Variants in MAML2 observed in about 807,000 individuals in gnomAD.
The protein encoded by MAML2 is mastermind like transcriptional coactivator 2, also known as mastermind-like protein 2.
In MAML2, 22 loss-of-function variants were observed where a neutral mutation model predicts 96.1. The observed-to-expected ratio is 0.23, with a 90% CI of 0.16 to 0.33. MAML2 has a LOEUF of 0.33. MAML2 is among the 10% of genes least tolerant of loss of function. The pLI is 1.00. For missense variants in MAML2, 1,367 were observed against 1,392.4 expected (o/e 0.98, Z 0.29); for synonymous variants, 561 against 521.3 (o/e 1.08, Z -1.04).
chr11:96,027,524 A>T (rs903521852), intron 2 of MAML2, among the ~76,000 whole-genome samples: 17 of 152,104 alleles, frequency 1.1e-4, no homozygotes, highest in African/African-American at 4.1e-4. Context: ...AATAAACACA[A>T]TGTGAAAAGT....
chr11:96,206,325 C>T (rs1007236110), intron 1 of MAML2, among the ~76,000 whole-genome samples: 5 of 152,172 alleles, frequency 3.3e-5, no homozygotes, highest in South Asian at 2.1e-4. Context: ...TAGGCGGGTG[C>T]GGTGGCTCAT....
intron 2 of MAML2, among the ~76,000 whole-genome samples, chr11:96,058,034 G>A (rs1003140924): frequency 1.3e-5 from 2 of 152,242 alleles, no homozygotes; most frequent in Non-Finnish European, 2.9e-5. Context: ...CTAAAAGTTA[G>A]GTCTTAAATC....
chr11:96,188,287 C>G (rs1861601853), intron 1 of MAML2, among the ~76,000 whole-genome samples: 3 of 152,216 alleles, frequency 2.0e-5, no homozygotes, highest in South Asian at 2.1e-4. Context: ...GTTCCTATAA[C>G]CTTTCTAATT....
chr11:96,278,245 G>A (rs183630089), intron 1 of MAML2, among the ~76,000 whole-genome samples: 9 of 152,194 alleles, frequency 5.9e-5, no homozygotes, highest in East Asian at 5.8e-4. Flanking sequence ...AAAAAGGAAC[G>A]CCACTTTATA....
At chr11:96,297,044 C>A (rs1271743642) in intron 1 of MAML2, among the ~76,000 whole-genome samples, 2 of 152,064 alleles carry the variant, frequency 1.3e-5, no homozygotes, top group Non-Finnish European at 2.9e-5. Context: ...CACCTGTGCA[C>A]ATCATAGGTA....
intron 2 of MAML2, among the ~76,000 whole-genome samples, chr11:96,074,200 A>C (rs1192216940): frequency 6.6e-6 from 1 of 152,210 alleles, no homozygotes; most frequent in African/African-American, 2.4e-5. Flanking sequence ...TTGTATTTTT[A>C]GGGAAACTGA....
At chr11:96,339,598 G>A (rs746716902) in intron 1 of MAML2, among the ~76,000 whole-genome samples, 5 of 152,196 alleles carry the variant, frequency 3.3e-5, no homozygotes, top group Admixed American at 1.3e-4. Context: ...GGGTTGGGCC[G>A]GGTGCCTCAC....
rs1330484749 is a variant in MAML2, at chr11:96,052,749, T to G, written c.2139+39143A>C. Among the ~76,000 whole-genome samples, 3 of 152,218 alleles carry G rather than the reference T, an allele frequency of 2.0e-5. 1 individual carries two copies. Among genetic ancestry groups the G allele is most frequent in the Non-Finnish European group, 4.4e-5 (3 of 68,038 alleles). ...CTCCTAACAAAGAACAGAGAAATGC[T>G]CTCCACATTCTGCTTCCAGAGCTGC... is the stretch of plus-strand genomic sequence containing the variant. On this transcript the variant is annotated intron_variant, in intron 2 of 4. Coordinates refer to ENST00000524717, the MANE Select transcript of MAML2 (RefSeq NM_032427.4).
chr11:96,166,801 T>G (rs1037428717), intron 1 of MAML2, among the ~76,000 whole-genome samples: 1 of 152,206 alleles, frequency 6.6e-6, no homozygotes, highest in African/African-American at 2.4e-5. Flanking sequence ...AAAAACAAGG[T>G]GACTCCTCTA....
chr11:96,050,539 T>G (rs1055929755), intron 2 of MAML2, among the ~76,000 whole-genome samples: 1 of 152,224 alleles, frequency 6.6e-6, no homozygotes, highest in Non-Finnish European at 1.5e-5. Context: ...ATCTGACCTT[T>G]GGTTAACTTC....
At chr11:96,270,546 T>C (rs2135979498) in intron 1 of MAML2, among the ~76,000 whole-genome samples, 1 of 152,288 alleles carries the variant, frequency 6.6e-6, no homozygotes, top group East Asian at 1.9e-4. Context: ...CCTGACCTCG[T>C]GATCCGCCTG....
In MAML2 at chr11:95,991,531, G is replaced by C. The variant is rs767291773; in HGVS notation, c.2332C>G (p.Leu778Val). 1.9e-6 allele frequency: 3 copies of C among 1,613,682 alleles called. No homozygotes were observed. Among genetic ancestry groups the C allele is most frequent in the East Asian group, 4.5e-5 (2 of 44,882 alleles). ...AGAGAAAGTTTTACCGCGTCAGCCA[G>C]CATCTGCTGCTGGAGAAGAAGTTGC... is the stretch of plus-strand genomic sequence containing the variant. The part of the protein sequence containing the change: ...KQQLLLQQQM[L>V]ADAEKIAPQD... The change falls in exon 3 of 5, where the codon CTG becomes GTG. Residue 778 changes from leucine to valine, a missense_variant. By Grantham distance (32) the Leu-to-Val change is conservative. Coordinates refer to ENST00000524717, the MANE Select transcript of MAML2 (RefSeq NM_032427.4).
intron 2 of MAML2, among the ~76,000 whole-genome samples, chr11:96,060,986 G>A (rs1859149969): frequency 6.6e-6 from 1 of 152,196 alleles, no homozygotes; most frequent in South Asian, 2.1e-4. Context: ...TGGGTCTGAT[G>A]AGAAAGTGGA....
At chr11:96,091,119 CCT>C (rs1157671880) in intron 2 of MAML2, among the ~76,000 whole-genome samples, 3 of 152,126 alleles carry the variant, frequency 2.0e-5, no homozygotes, top group Non-Finnish European at 4.4e-5. Context: ...GCGGAATAAA[CCT>C]CTGTTTTATG....
At chr11:96,310,624 G>A (rs2136004069) in intron 1 of MAML2, among the ~76,000 whole-genome samples, 1 of 152,260 alleles carries the variant, frequency 6.6e-6, no homozygotes, top group Non-Finnish European at 1.5e-5. Flanking sequence ...GCAATACTGT[G>A]GTGTCAGTAA....
chr11:95,984,211 T>C (rs1449623995), intron 4 of MAML2, among the ~76,000 whole-genome samples: 2 of 152,188 alleles, frequency 1.3e-5, no homozygotes, highest in Non-Finnish European at 2.9e-5. Context: ...ATCAGCTATA[T>C]CATATAGCCT....
At chr11:96,246,736 C>T (rs922038777) in intron 1 of MAML2, among the ~76,000 whole-genome samples, 3 of 152,080 alleles carry the variant, frequency 2.0e-5, no homozygotes, top group African/African-American at 7.2e-5. Flanking sequence ...GCACTTACTG[C>T]AGTATCATAC....
At chr11:96,110,177 G>A (rs921605059) in intron 1 of MAML2, among the ~76,000 whole-genome samples, 1 of 152,112 alleles carries the variant, frequency 6.6e-6, no homozygotes, top group Non-Finnish European at 1.5e-5. Flanking sequence ...GTTTTGAGGA[G>A]TGGATGGAAG....
intron 1 of MAML2, among the ~76,000 whole-genome samples, chr11:96,146,518 A>T (rs1191686911): frequency 6.6e-6 from 1 of 152,210 alleles, no homozygotes; most frequent in African/African-American, 2.4e-5. Flanking sequence ...AGCTGTTATG[A>T]GTCTGTTGTC....
Sources: gnomAD v4.1 joint callset for allele counts (sites outside exome capture counted in the v4.1 genomes callset) on GRCh38, gnomAD v4.1.1 for gene constraint, MANE v1.5 for transcripts, NCBI Gene and HGNC (gene_info 2026-07-23, HGNC 2026-07-21) for gene names.